The following PUM2 variants were observed in gnomAD, a reference collection of about 807,000 sequenced individuals.
PUM2 encodes the protein pumilio homolog 2.
Under a neutral mutation model 124.5 loss-of-function variants are expected in PUM2, and 57 were observed. The ratio of observed to expected loss-of-function variants is 0.46; its 90% confidence interval spans 0.37 to 0.57. The LOEUF is 0.57. PUM2 is among the 20% of genes least tolerant of loss of function. The pLI, the probability that PUM2 is intolerant of heterozygous loss-of-function variation, is 0.00. For synonymous variants in PUM2, 460 were observed against 446.1 expected, an observed-to-expected ratio of 1.03 and a Z score of -0.39; for missense variants, 1,065 against 1,290.6, an observed-to-expected ratio of 0.83 and a Z score of 2.68.
intron 2 of PUM2, among the ~76,000 whole-genome samples, chr2:20,325,516 T>C (rs1422905018): frequency 6.6e-6 from 1 of 152,096 alleles, no homozygotes; most frequent in African/African-American, 2.4e-5. Context: ...TTATTAAATA[T>C]TATTTAGAAA....
chr2:20,292,567 G>T (rs1674431739), intron 9 of PUM2, among the ~76,000 whole-genome samples: 1 of 151,876 alleles, frequency 6.6e-6, no homozygotes, highest in Admixed American at 6.6e-5. Flanking sequence ...TCACCATTTT[G>T]GCCAGGCTGG....
chr2:20,274,069 G>A (rs1669623489), intron 13 of PUM2, among the ~76,000 whole-genome samples: 1 of 152,082 alleles, frequency 6.6e-6, no homozygotes, highest in Admixed American at 6.5e-5. Flanking sequence ...AGAACTGGAT[G>A]CTAGCCTTAA....
At chr2:20,345,108 C>T (rs1420691728) in intron 1 of PUM2, among the ~76,000 whole-genome samples, 1 of 139,698 alleles carries the variant, frequency 7.2e-6, no homozygotes, top group African/African-American at 2.7e-5. Context: ...TTTTTTGCGG[C>T]GGGGCCGGGG....
intron 7 of PUM2, among the ~76,000 whole-genome samples, chr2:20,302,810 A>T (rs1220900088): frequency 1.3e-5 from 2 of 152,208 alleles, no homozygotes; most frequent in Non-Finnish European, 2.9e-5. Flanking sequence ...CTCTGTTCAA[A>T]TTTGCAGAAA....
chr2:20,289,817 G>GA (rs1219990317), intron 10 of PUM2, among the ~76,000 whole-genome samples: 1 of 152,098 alleles, frequency 6.6e-6, no homozygotes, highest in African/African-American at 2.4e-5. Flanking sequence ...GATCTGAATA[G>GA]AAAAGTAAAC....
At chr2:20,328,160 C>G (rs1684109149) in intron 1 of PUM2, among the ~76,000 whole-genome samples, 3 of 152,042 alleles carry the variant, frequency 2.0e-5, no homozygotes, top group Non-Finnish European at 4.4e-5. Flanking sequence ...ATGGTGAAAC[C>G]CCGTCTCTAC....
chr2:20,343,317 G>A (rs1474933126), intron 1 of PUM2, among the ~76,000 whole-genome samples: 5 of 152,006 alleles, frequency 3.3e-5, no homozygotes, highest in East Asian at 3.9e-4. Context: ...TCACTAGAGC[G>A]AGGGAGGTGA....
chr2:20,341,915 C>A (rs1351300678), intron 1 of PUM2, among the ~76,000 whole-genome samples: 2 of 151,980 alleles, frequency 1.3e-5, no homozygotes, highest in South Asian at 4.2e-4. Context: ...GGATCACTTG[C>A]GGTCATGAGT....
At chr2:20,251,921 C>A (rs1663462421) in intron 20 of PUM2, among the ~76,000 whole-genome samples, 1 of 152,180 alleles carries the variant, frequency 6.6e-6, no homozygotes. Context: ...ATGAATAAAA[C>A]ACTACATCTA....
intron 8 of PUM2, among the ~76,000 whole-genome samples, chr2:20,296,438 T>G: frequency 6.7e-6 from 1 of 150,014 alleles, no homozygotes; most frequent in Non-Finnish European, 1.5e-5. Context: ...GAGCTTGCAG[T>G]GAGCCGAGAT....
chr2:20,289,815 T>C (rs1489097830), intron 10 of PUM2, among the ~76,000 whole-genome samples: 1 of 152,182 alleles, frequency 6.6e-6, no homozygotes, highest in Non-Finnish European at 1.5e-5. Flanking sequence ...ATGATCTGAA[T>C]AGAAAAGTAA....
At chr2:20,258,753 T>C (rs1001499941) in intron 15 of PUM2, among the ~76,000 whole-genome samples, 3 of 148,746 alleles carry the variant, frequency 2.0e-5, no homozygotes, top group South Asian at 2.2e-4. Context: ...CTGCAAGCTC[T>C]GCTTCCCGGG....
At chr2:20,309,783 A>C (rs769175327) in intron 5 of PUM2, among the ~76,000 whole-genome samples, 12 of 152,138 alleles carry the variant, frequency 7.9e-5, no homozygotes, top group Non-Finnish European at 1.6e-4. Context: ...AATTGGAATA[A>C]ATTTGCTAAC....
intron 8 of PUM2, among the ~76,000 whole-genome samples, chr2:20,295,024 A>T (rs1204012422): frequency 6.6e-6 from 1 of 152,248 alleles, no homozygotes; most frequent in African/African-American, 2.4e-5. Context: ...AATATTTTTC[A>T]TATTTCAGTC....
chr2:20,304,192 C>T (rs979709189), intron 7 of PUM2, among the ~76,000 whole-genome samples: 8 of 152,002 alleles, frequency 5.3e-5, no homozygotes, highest in African/African-American at 1.9e-4. Flanking sequence ...CTGCATAGGC[C>T]CCTTTTTGTT....
At chr2:20,261,022 C>A (rs1007012430) in intron 14 of PUM2, among the ~76,000 whole-genome samples, 4 of 152,136 alleles carry the variant, frequency 2.6e-5, no homozygotes, top group Non-Finnish European at 5.9e-5. Context: ...TGGGTAGGAA[C>A]TGTCATAACA....
At chr2:20,321,421 G>C (rs1004026562) in intron 2 of PUM2, among the ~76,000 whole-genome samples, 1 of 152,062 alleles carries the variant, frequency 6.6e-6, no homozygotes, top group African/African-American at 2.4e-5. Flanking sequence ...CTTCATTTTC[G>C]AACATTTAGA....
At chr2:20,313,835 C>CAAAAAAAAAAAAAAAAAAAAAAAAAA in intron 3 of PUM2, among the ~76,000 whole-genome samples, 1 of 55,028 alleles carries the variant, frequency 1.8e-5, no homozygotes, top group Non-Finnish European at 3.6e-5. Context: ...GATCCTGTCT[C>CAAAAAAAAAAAAAAAAAAAAAAAAAA]AAAAAAAAAA....
intron 13 of PUM2, 22 bp from the exon 14 acceptor site, chr2:20,263,482 C>CA: frequency 5.8e-6 from 9 of 1,559,702 alleles, no homozygotes; most frequent in Non-Finnish European, 7.9e-6. Flanking sequence ...CAGCTATGGT[C>CA]AGCAAGTATT....
Sources: allele counts gnomAD v4.1 joint callset (sites outside exome capture counted in the v4.1 genomes callset), GRCh38; gene constraint gnomAD v4.1.1; transcripts MANE v1.5; gene names NCBI Gene and HGNC (gene_info 2026-07-23, HGNC 2026-07-21).